Variants in HTR2C observed in about 807,000 individuals in gnomAD.
HTR2C encodes the protein 5-hydroxytryptamine (serotonin) receptor 2C, G protein-coupled.
In HTR2C, 5 loss-of-function variants were observed where a neutral mutation model predicts 21.0. That is an observed-to-expected ratio of 0.24 (90% CI 0.12 to 0.50). The LOEUF (loss-of-function observed/expected upper bound fraction) is 0.50, where lower values mean the gene tolerates loss of function less well. Ranked by LOEUF, HTR2C falls within the 20% of genes least tolerant of loss-of-function variation. The probability of loss-of-function intolerance (pLI) is 0.98; values close to 1 mark genes in which losing one functional copy is unlikely to be tolerated. For missense variants in HTR2C, 271 were observed against 371.2 expected, an observed-to-expected ratio of 0.73 and a Z score of 2.22; for synonymous variants, 150 against 145.3, an observed-to-expected ratio of 1.03 and a Z score of -0.23.
At chrX:114,790,741 T>C (rs1236529667) in intron 4 of HTR2C, among the ~76,000 whole-genome samples, 1 of 112,215 alleles carries the variant, frequency 8.9e-6, no homozygotes, top group Non-Finnish European at 1.9e-5. Flanking sequence ...AACAATATAT[T>C]AAATAGATTA....
chrX:114,770,727 C>T (rs907612911), intron 4 of HTR2C, among the ~76,000 whole-genome samples: 10 of 109,155 alleles, frequency 9.2e-5, no homozygotes, highest in African/African-American at 3.3e-4. Context: ...CCCCTCTGTA[C>T]ACTTTCTATT....
At chrX:114,824,640 T>C (rs1418133610) in intron 4 of HTR2C, among the ~76,000 whole-genome samples, 1 of 111,498 alleles carries the variant, frequency 9.0e-6, no homozygotes, top group Admixed American at 9.6e-5. Context: ...TCCAAAGACT[T>C]TGGGGTTCTA....
At chrX:114,607,301 T>A (rs1461464618) in intron 1 of HTR2C, among the ~76,000 whole-genome samples, 2 of 111,910 alleles carry the variant, frequency 1.8e-5, no homozygotes, top group Non-Finnish European at 3.8e-5. Context: ...AAACACAATG[T>A]TTGACCATGA....
intron 2 of HTR2C, among the ~76,000 whole-genome samples, chrX:114,634,715 G>A (rs1050499858): frequency 1.3e-4 from 14 of 111,017 alleles, no homozygotes; most frequent in Admixed American, 9.6e-4. Flanking sequence ...GGAGGCTGAG[G>A]TGGGAGGATC....
intron 4 of HTR2C, among the ~76,000 whole-genome samples, chrX:114,814,039 T>C (rs2070559383): frequency 9.0e-6 from 1 of 111,224 alleles, no homozygotes; most frequent in African/African-American, 3.3e-5. Flanking sequence ...GATAAAGTAC[T>C]GTCTCAGCTG....
intron 2 of HTR2C, among the ~76,000 whole-genome samples, chrX:114,719,037 A>T (rs1051464001): frequency 1.9e-5 from 2 of 103,577 alleles, no homozygotes; most frequent in East Asian, 5.7e-4. Context: ...AAATAATATA[A>T]TAATATTAAT....
chrX:114,640,856 G>A (rs1930070159), intron 2 of HTR2C, among the ~76,000 whole-genome samples: 1 of 109,429 alleles, frequency 9.1e-6, no homozygotes, highest in African/African-American at 3.3e-5. Context: ...GTTTCTCCTT[G>A]TTTCGTTCTC....
At chrX:114,588,863 T>C (rs1485936379) in intron 1 of HTR2C, among the ~76,000 whole-genome samples, 1 of 111,676 alleles carries the variant, frequency 9.0e-6, no homozygotes, top group Non-Finnish European at 1.9e-5. Flanking sequence ...GGCCACTATT[T>C]ATTGACATTT....
chrX:114,882,926 T>A (rs967082797), intron 5 of HTR2C, among the ~76,000 whole-genome samples: 2 of 110,575 alleles, frequency 1.8e-5, no homozygotes. Flanking sequence ...TTAAACTTTT[T>A]ATATATTTAT....
chrX:114,717,958 T>C (rs1315258214), intron 2 of HTR2C, among the ~76,000 whole-genome samples: 1 of 111,833 alleles, frequency 8.9e-6, no homozygotes, highest in Non-Finnish European at 1.9e-5. Context: ...TTAGTATTAA[T>C]ACAACACCTT....
intron 1 of HTR2C, among the ~76,000 whole-genome samples, chrX:114,602,809 T>G (rs1928183986): frequency 1.4e-5 from 1 of 73,426 alleles, no homozygotes; most frequent in Non-Finnish European, 2.6e-5. Context: ...AAAGCTAATT[T>G]GCCAGTCCTG....
At position 114,906,680 on chromosome X, in the gene HTR2C, C is replaced by T. The variant is rs368641796; in HGVS notation, c.642C>T (p.Phe214=). 9.1e-6 allele frequency: 11 copies of T among 1,208,218 alleles called. No individual in the cohort carries two copies. In the African/African-American group the frequency reaches 1.6e-4, roughly 17 times the overall value. The change falls in exon 6 of 6, where the codon TTC becomes TTT. Residue 214 remains phenylalanine, a synonymous_variant. Coordinates refer to ENST00000276198, the MANE Select transcript of HTR2C (RefSeq NM_000868.4). ...NTTCVLNDPN[F]VLIGSFVAFF... The stretch of plus-strand genomic sequence containing the variant: ...CGTGCGTGCTCAACGACCCAAATTT[C>T]GTTCTTATTGGGTCCTTCGTAGCTT...
At chrX:114,776,795 C>T (rs988993336) in intron 4 of HTR2C, 5 of 280,267 alleles carry the variant, frequency 1.8e-5, no homozygotes, top group African/African-American at 5.6e-5. Context: ...CGTGTAGGGC[C>T]GGCTCTGACT....
chrX:114,670,213 T>C (rs1283299082), intron 2 of HTR2C, among the ~76,000 whole-genome samples: 1 of 111,052 alleles, frequency 9.0e-6, no homozygotes, highest in Admixed American at 9.6e-5. Flanking sequence ...GCCAACATGG[T>C]GAAACCTCGT....
chrX:114,887,749 C>T (rs1361890027), intron 5 of HTR2C, among the ~76,000 whole-genome samples: 5 of 110,912 alleles, frequency 4.5e-5, no homozygotes, highest in Non-Finnish European at 7.6e-5. Context: ...TGGCCGGGCG[C>T]GGTGCCTCAT....
intron 4 of HTR2C, chrX:114,775,909 A>T: frequency 2.7e-6 from 1 of 372,172 alleles, no homozygotes; most frequent in South Asian, 3.8e-5. Flanking sequence ...TACAGAAGTC[A>T]ATTCATTCTT....
intron 2 of HTR2C, among the ~76,000 whole-genome samples, chrX:114,661,148 A>C (rs1251833362): frequency 1.5e-4 from 17 of 112,002 alleles, no homozygotes; most frequent in Admixed American, 1.0e-3. Flanking sequence ...AGAGTGATGC[A>C]TTATCTGGTT....
intron 2 of HTR2C, among the ~76,000 whole-genome samples, chrX:114,686,737 T>C (rs959634089): frequency 4.5e-5 from 5 of 110,846 alleles, no homozygotes; most frequent in Non-Finnish European, 7.6e-5. Flanking sequence ...AAAATACTTA[T>C]GGCACACATC....
At chrX:114,692,115 A>G (rs1237960461) in intron 2 of HTR2C, among the ~76,000 whole-genome samples, 2 of 111,910 alleles carry the variant, frequency 1.8e-5, no homozygotes, top group African/African-American at 6.5e-5. Flanking sequence ...CAATCCCAGA[A>G]AAAGCATTTT....
Sources: allele counts gnomAD v4.1 joint callset (sites outside exome capture counted in the v4.1 genomes callset), GRCh38; gene constraint gnomAD v4.1.1; transcripts MANE v1.5; gene names NCBI Gene and HGNC (gene_info 2026-07-23, HGNC 2026-07-21).